The following CNST variants were observed in gnomAD, a reference collection of about 807,000 sequenced individuals.
The protein encoded by CNST is consortin, connexin sorting protein, also known as consortin.
A neutral mutation model predicts 72.4 loss-of-function variants in CNST; 39 were observed. The observed-to-expected ratio is 0.54, with a 90% CI of 0.42 to 0.70. The LOEUF (loss-of-function observed/expected upper bound fraction) is 0.70. Among genes scored for constraint, CNST ranks in the 30% least tolerant of loss-of-function variants. The pLI is 0.00. For missense variants in CNST, 871 were observed against 868.5 expected (o/e 1.00, Z -0.04); for synonymous variants, 332 against 320.1 (o/e 1.04, Z -0.40).
In CNST at chr1:246,616,700, A is replaced by AT. The variant is rs1311990628; in HGVS notation, c.380-4728dup. 2.0e-5 allele frequency among the ~76,000 whole-genome samples: 3 copies of AT among 152,072 alleles called. No individual in the cohort carries two copies. In the East Asian group the frequency reaches 5.8e-4, roughly 30 times the overall value. The stretch of plus-strand genomic sequence containing the variant: ...CTCCCGAGTAGCTGGGACTACATAC[A>AT]TACGCCACCACGCCCGGCTAATTTT... On this transcript the variant is annotated intron_variant, in intron 2 of 10. Transcript: ENST00000366513.
rs149043773 is a variant in CNST at position 246,571,928 on chromosome 1, A to G, written c.-52+5265A>G. On this transcript the variant is annotated intron_variant, in intron 1 of 10. Transcript: ENST00000366513. ...TGTATTAAATTTTCTTATGAGAATA[A>G]TTGCCCTGTTTTTTTCTGGAGAGCC... Among the ~76,000 whole-genome samples the G allele has an allele frequency of 4.4e-3, 663 of 152,372 alleles. 3 individuals carry two copies. Among genetic ancestry groups the G allele is most frequent in the African/African-American group, 0.015 (637 of 41,578 alleles).
intron 2 of CNST, among the ~76,000 whole-genome samples, chr1:246,601,070 C>A (rs1033437436): frequency 6.7e-6 from 1 of 149,180 alleles, no homozygotes; most frequent in Non-Finnish European, 1.5e-5. Context: ...TTTGGGAGGC[C>A]GAGGCAGGAG....
intron 6 of CNST, among the ~76,000 whole-genome samples, chr1:246,636,936 G>T (rs147319803): frequency 6.6e-5 from 10 of 152,206 alleles, no homozygotes; most frequent in African/African-American, 2.4e-4. Context: ...GGCTGCTGTG[G>T]GCAGCAGGGC....
intron 1 of CNST, among the ~76,000 whole-genome samples, chr1:246,577,845 C>T (rs73148092): frequency 0.035 from 5,324 of 152,114 alleles, 401 homozygotes; most frequent in African/African-American, 0.12. Context: ...CATTTCTTTG[C>T]GTTTTTACTA....
At chr1:246,625,908 T>G (rs1418484958) in intron 3 of CNST, among the ~76,000 whole-genome samples, 7 of 152,132 alleles carry the variant, frequency 4.6e-5, no homozygotes, top group Non-Finnish European at 1.0e-4. Flanking sequence ...AGACCTCAGT[T>G]TTCATCTCAC....
rs117917284 is a variant in CNST, at chr1:246,650,992, C to A, written c.1836+2955C>A. Among the ~76,000 whole-genome samples the A allele has an allele frequency of 1.4e-4, 22 of 152,184 alleles. No individual in the cohort carries two copies. In the East Asian group the frequency reaches 4.2e-3, roughly 29 times the overall value. ...CATGCTTGGCCTTCAAACACTTTTT[C>A]TGTTTGTGCTTTCAGTAAAATTTTA... On this transcript the variant is annotated intron_variant, in intron 9 of 10. Transcript: ENST00000366513.
At chr1:246,655,133 G>A (rs1666703840) in intron 9 of CNST, among the ~76,000 whole-genome samples, 1 of 151,942 alleles carries the variant, frequency 6.6e-6, no homozygotes, top group African/African-American at 2.4e-5. Context: ...TTACTAAATT[G>A]CCCCCTTAAG....
intron 2 of CNST, among the ~76,000 whole-genome samples, chr1:246,609,931 T>C (rs1302879893): frequency 3.9e-5 from 6 of 152,182 alleles, no homozygotes; most frequent in African/African-American, 1.4e-4. Flanking sequence ...TGTGCAACCA[T>C]CATTTATATC....
intron 8 of CNST, among the ~76,000 whole-genome samples, chr1:246,646,847 A>T (rs1666112156): frequency 6.6e-6 from 1 of 152,240 alleles, no homozygotes; most frequent in South Asian, 2.1e-4. Flanking sequence ...AAAGTTTAAT[A>T]AAGTTCAGAA....
chr1:246,606,597 T>C (rs187481980), intron 2 of CNST: 27 of 151,884 alleles, frequency 1.8e-4, no homozygotes, highest in Admixed American at 1.6e-3. Context: ...GAGCAGCCTG[T>C]AGTCTAATTA....
intron 6 of CNST, among the ~76,000 whole-genome samples, chr1:246,634,831 A>C (rs113128666): frequency 2.6e-5 from 4 of 152,294 alleles, no homozygotes; most frequent in African/African-American, 9.6e-5. Flanking sequence ...TGAGGCCTAA[A>C]ATGGCGTCAG....
chr1:246,621,514 T>C lies in CNST; in HGVS notation c.465T>C (p.Ala155=), dbSNP rs778411035. ...VTYAVDDEEA[A]EVNANEQPEA... ...ATGCTGTTGATGATGAAGAAGCTGC[T>C]GAAGTAAATGCTAATGAGCAGCCAG... The change falls in exon 3 of 11, where the codon GCT becomes GCC. Residue 155 remains alanine (A), a synonymous_variant. Transcript: ENST00000366513. 6 of 1,614,070 alleles carry C rather than the reference T, an allele frequency of 3.7e-6. No individual in the cohort carries two copies. Among genetic ancestry groups the C allele is most frequent in the African/African-American group, 1.3e-5 (1 of 74,932 alleles).
intron 1 of CNST, among the ~76,000 whole-genome samples, chr1:246,582,899 A>G (rs1660891141): frequency 6.6e-6 from 1 of 152,182 alleles, no homozygotes; most frequent in Non-Finnish European, 1.5e-5. Context: ...CCGTGGCTGA[A>G]GATGAACAAG....
rs1441091066 is a variant in CNST, at chr1:246,631,913, A to T, written c.605A>T (p.Gln202Leu). Residue 202 changes from glutamine to leucine, a missense_variant, in exon 4 of 11, where the codon CAG (glutamine) becomes CTG (leucine). Gln to Leu is a moderately radical substitution (Grantham distance 113, BLOSUM62 -2). Coordinates refer to ENST00000366513, the MANE Select transcript of CNST (RefSeq NM_152609.3). ...TAACAGATAGCAGAATCCTATTTCCAGGAGGAGGACTGTATCCTTTTCTTA... is the reference window on the plus strand; with the variant it reads ...TAACAGATAGCAGAATCCTATTTCCTGGAGGAGGACTGTATCCTTTTCTTA... Reference protein sequence around the residue: ...CLHQIAESYFQEEDYEKAMKF... With the variant: ...CLHQIAESYFLEEDYEKAMKF... 6.4e-7 allele frequency: 1 copy of T among 1,550,672 alleles called. No homozygotes were observed. Among genetic ancestry groups the T allele is most frequent in the Non-Finnish European group, 8.8e-7 (1 of 1,132,826 alleles).
At chr1:246,647,115 C>G (rs1333446405) in intron 8 of CNST, 24 bp from the exon 9 acceptor site, 1 of 1,581,408 alleles carries the variant, frequency 6.3e-7, no homozygotes, top group Non-Finnish European at 8.6e-7. Flanking sequence ...GAATTTTTAA[C>G]AATTTATTTT....
intron 1 of CNST, chr1:246,570,017 CTTCT>C: frequency 3.9e-6 from 2 of 512,114 alleles, no homozygotes; most frequent in Non-Finnish European, 5.0e-6. Flanking sequence ...TATAAATGTG[CTTCT>C]TTATATCATG....
At chr1:246,595,065 T>C (rs746726958) in intron 2 of CNST, among the ~76,000 whole-genome samples, 5 of 152,284 alleles carry the variant, frequency 3.3e-5, no homozygotes, top group South Asian at 4.2e-4. Context: ...TGTTGATAAA[T>C]TAAAAGAAAG....
At chr1:246,580,428 C>CT (rs145362034) in intron 1 of CNST, among the ~76,000 whole-genome samples, 29,882 of 151,192 alleles carry the variant, frequency 0.2, 3,133 homozygotes, top group Admixed American at 0.24. Context: ...TACCAATATA[C>CT]TTTTTTTTTA....
chr1:246,586,111 A>ATATATGTGTGTGTGTGTGTG (rs777928408), intron 1 of CNST, among the ~76,000 whole-genome samples: 1 of 102,700 alleles, frequency 9.7e-6, no homozygotes, highest in African/African-American at 4.0e-5. Context: ...ATATATATAT[A>ATATATGTGTGTGTGTGTGTG]TGTGTGTGTG....
Sources: allele counts gnomAD v4.1 joint callset (sites outside exome capture counted in the v4.1 genomes callset), GRCh38; gene constraint gnomAD v4.1.1; transcripts MANE v1.5; gene names NCBI Gene and HGNC (gene_info 2026-07-23, HGNC 2026-07-21).